OVCH1: variants seen among roughly 807,000 people sequenced by gnomAD.
OVCH1 encodes ovochymase 1.
A neutral mutation model predicts 138.4 loss-of-function variants in OVCH1; 139 were observed. That is an observed-to-expected ratio of 1.00 (90% CI 0.87 to 1.16). The LOEUF (loss-of-function observed/expected upper bound fraction) is 1.16. OVCH1 is among the 50% of genes most tolerant of loss of function. The pLI, the probability that OVCH1 is intolerant of heterozygous loss-of-function variation, is 0.00. For missense variants in OVCH1, 1,367 were observed against 1,357.9 expected, an observed-to-expected ratio of 1.01 and a Z score of -0.11; for synonymous variants, 453 against 467.8, an observed-to-expected ratio of 0.97 and a Z score of 0.41.
chr12:29,448,168 T>C (rs781121604), intron 22 of OVCH1, among the ~76,000 whole-genome samples: 9 of 146,534 alleles, frequency 6.1e-5, no homozygotes, highest in South Asian at 2.3e-4. Context: ...GCATCCTAGA[T>C]CCTTGGCATG....
At chr12:29,449,099 CT>C (rs1941700427) in intron 22 of OVCH1, among the ~76,000 whole-genome samples, 1 of 152,060 alleles carries the variant, frequency 6.6e-6, no homozygotes, top group Non-Finnish European at 1.5e-5. Context: ...CTTTTCAATC[CT>C]GCCACTTTAA....
At chr12:29,446,360 G>T (rs1699952009) in intron 22 of OVCH1, among the ~76,000 whole-genome samples, 1 of 152,056 alleles carries the variant, frequency 6.6e-6, no homozygotes, top group African/African-American at 2.4e-5. Flanking sequence ...TTTGAAGAAT[G>T]ACCTAATATT....
intron 6 of OVCH1, among the ~76,000 whole-genome samples, chr12:29,488,921 C>G (rs1345862429): frequency 6.6e-6 from 1 of 152,178 alleles, no homozygotes; most frequent in African/African-American, 2.4e-5. Flanking sequence ...TCCCAAACTC[C>G]TGTCATCGCC....
chr12:29,486,784 G>GA, intron 7 of OVCH1: 1 of 371,916 alleles, frequency 2.7e-6, no homozygotes, highest in Non-Finnish European at 5.4e-6. Context: ...TCATTTCACT[G>GA]AAATGAACCA....
chr12:29,409,959 C>A (rs1940932433), downstream of OVCH1, among the ~76,000 whole-genome samples: 1 of 152,092 alleles, frequency 6.6e-6, no homozygotes, highest in Non-Finnish European at 1.5e-5. Flanking sequence ...CTTTGTAGGT[C>A]ACTCAGGACT....
intron 27 of OVCH1, among the ~76,000 whole-genome samples, chr12:29,432,157 C>A (rs1468237307): frequency 6.6e-6 from 1 of 152,128 alleles, no homozygotes; most frequent in Non-Finnish European, 1.5e-5. Flanking sequence ...AAGGGATAGT[C>A]AAGAGCCAGA....
downstream of OVCH1, among the ~76,000 whole-genome samples, chr12:29,409,333 T>A (rs964730294): frequency 1.1e-4 from 16 of 152,226 alleles, 1 homozygote; most frequent in Admixed American, 9.8e-4. Context: ...TTTTAGTTAT[T>A]TCTTGCCTTC....
downstream of OVCH1, among the ~76,000 whole-genome samples, chr12:29,408,490 C>G (rs1384997988): frequency 8.7e-6 from 1 of 114,906 alleles, no homozygotes; most frequent in African/African-American, 2.7e-5. Flanking sequence ...CCATCAATAC[C>G]TAATTTATTG....
chr12:29,468,845 A>G (rs2135997388), intron 16 of OVCH1, among the ~76,000 whole-genome samples: 1 of 152,294 alleles, frequency 6.6e-6, no homozygotes, highest in African/African-American at 2.4e-5. Flanking sequence ...GAGAGGGCCT[A>G]GGATCAACAA....
At chr12:29,492,597 G>A (rs61918688) in intron 4 of OVCH1, among the ~76,000 whole-genome samples, 9 of 152,120 alleles carry the variant, frequency 5.9e-5, no homozygotes, top group Non-Finnish European at 8.8e-5. Flanking sequence ...GTATTGCCTG[G>A]AACAAGATGG....
intron 3 of OVCH1, among the ~76,000 whole-genome samples, chr12:29,414,463 G>A (rs982598899): frequency 3.9e-5 from 6 of 151,980 alleles, no homozygotes; most frequent in Non-Finnish European, 5.9e-5. Context: ...TTTTGCTTAA[G>A]AGCTGCAGCA....
At chr12:29,487,736 T>G (rs1438648706) in exon 7 of OVCH1, 1 of 1,604,886 alleles carries the variant, frequency 6.2e-7, no homozygotes, top group Non-Finnish European at 8.5e-7. Flanking sequence ...ACTCAGACAC[T>G]TTGGAGAAAA....
At chr12:29,439,248 T>A (rs1206834302) in intron 26 of OVCH1, 1 of 1,261,856 alleles carries the variant, frequency 7.9e-7, no homozygotes, top group East Asian at 2.8e-5. Context: ...TCCTTTATTT[T>A]GTCACTTCTC....
Position 29,455,360 on chromosome 12 carries a change from A to T in OVCH1, c.2326T>A (p.Phe776Ile), listed in dbSNP as rs748114285. ...CAGCTGACAATGCCATAGAGGACAA[A>T]GGGACCATTTTCATGTCTACATACT... Residue 776 changes from phenylalanine to isoleucine, a missense_variant, in exon 20 of 28, where the codon TTT (phenylalanine) becomes ATT (isoleucine). By Grantham distance (21) the Phe-to-Ile change is conservative. Transcript: ENST00000318184. 1.1e-5 allele frequency: 18 copies of T among 1,613,674 alleles called. No homozygotes were observed. In the Admixed American group the frequency reaches 2.8e-4, roughly 25 times the overall value.
At chr12:29,431,827 T>A (rs1239169242) in intron 27 of OVCH1, among the ~76,000 whole-genome samples, 1 of 152,182 alleles carries the variant, frequency 6.6e-6, no homozygotes, top group East Asian at 1.9e-4. Flanking sequence ...AGAATGAATA[T>A]ATGTAATAAG....
chr12:29,466,747 A>G (rs1942333677), intron 16 of OVCH1, among the ~76,000 whole-genome samples: 1 of 152,186 alleles, frequency 6.6e-6, no homozygotes, highest in Non-Finnish European at 1.5e-5. Context: ...AGAAGTTTGA[A>G]TCAATATCCA....
intron 13 of OVCH1, among the ~76,000 whole-genome samples, 165 bp from the exon 14 acceptor site, chr12:29,475,354 T>A (rs1942668593): frequency 6.6e-6 from 1 of 152,128 alleles, no homozygotes; most frequent in African/African-American, 2.4e-5. Context: ...AGTTTCACAA[T>A]AACAATGCGC....
intron 1 of OVCH1, 72 bp from the exon 2 acceptor site, chr12:29,496,746 T>C: frequency 8.2e-7 from 1 of 1,223,396 alleles, no homozygotes; most frequent in South Asian, 1.4e-5. Flanking sequence ...AGATTTCCCA[T>C]TTGGATTTTC....
At chr12:29,482,785 A>T (rs1396221491) in intron 8 of OVCH1, among the ~76,000 whole-genome samples, 3 of 152,212 alleles carry the variant, frequency 2.0e-5, no homozygotes, top group Non-Finnish European at 4.4e-5. Flanking sequence ...TTTCTTGCAG[A>T]GATCTCTGAA....
Sources: allele counts gnomAD v4.1 joint callset (sites outside exome capture counted in the v4.1 genomes callset), GRCh38; gene constraint gnomAD v4.1.1; transcripts MANE v1.5; gene names NCBI Gene and HGNC (gene_info 2026-07-23, HGNC 2026-07-21).